Variants in ANKHD1 observed in about 807,000 individuals in gnomAD.
The protein encoded by ANKHD1 is ankyrin repeat and KH domain containing 1.
Under a neutral mutation model 230.5 loss-of-function variants are expected in ANKHD1, and 31 were observed. The observed-to-expected ratio is 0.13, with a 90% confidence interval of 0.10 to 0.18. ANKHD1 has a LOEUF of 0.18. ANKHD1 is among the 10% of genes least tolerant of loss of function. ANKHD1 has a pLI of 1.00. For missense variants in ANKHD1, 2,256 were observed against 3,071.3 expected (o/e 0.73, Z 6.27); for synonymous variants, 1,074 against 1,117.6 (o/e 0.96, Z 0.78).
chr5:140,446,919 G>T (rs1300922602), intron 6 of ANKHD1, among the ~76,000 whole-genome samples: 1 of 151,274 alleles, frequency 6.6e-6, no homozygotes, highest in Non-Finnish European at 1.5e-5. Context: ...TATTATCATT[G>T]TTTTTTTGAG....
chr5:140,512,103 G>A (rs1371686429), intron 22 of ANKHD1, among the ~76,000 whole-genome samples: 1 of 152,094 alleles, frequency 6.6e-6, no homozygotes, highest in Non-Finnish European at 1.5e-5. Flanking sequence ...AGGCGTGATG[G>A]TAGGCACCTG....
intron 15 of ANKHD1, among the ~76,000 whole-genome samples, chr5:140,501,815 T>C (rs779103543): frequency 2.6e-5 from 4 of 152,118 alleles, no homozygotes; most frequent in Non-Finnish European, 5.9e-5. Context: ...ATAATTAGAT[T>C]TATTATCTTC....
At position 140,514,258 on chromosome 5, in the gene ANKHD1, G is replaced by T. The variant is rs1247208804; in HGVS notation, c.4317+779G>T. Among the ~76,000 whole-genome samples the T allele has an allele frequency of 2.6e-5, 4 of 151,994 alleles. No individual in the cohort carries two copies. The South Asian group carries it at 8.3e-4, about 31-fold the overall frequency. ...GCCTGTAATCCCAGCACTTTGGGAG[G>T]CTGAGGAGGGTGGACTGCTTGAGCC... On this transcript the variant is annotated intron_variant, in intron 24 of 33. Coordinates refer to ENST00000360839, the MANE Select transcript of ANKHD1 (RefSeq NM_017747.3).
intron 3 of ANKHD1, 42 bp downstream of exon 3, chr5:140,438,659 A>G (rs756525554): frequency 1.3e-6 from 2 of 1,493,706 alleles, no homozygotes; most frequent in East Asian, 2.4e-5. Flanking sequence ...ATTTTCTTGA[A>G]TAGATTTTGG....
chr5:140,528,958 A>G lies in ANKHD1; in HGVS notation c.6012A>G (p.Leu2004=), dbSNP rs1430830942. The change falls in exon 29 of 34, where the codon CTA becomes CTG. Residue 2004 remains leucine, a synonymous_variant. Transcript: ENST00000360839. ...GCGGGCAAGCTCCCACCACATTTCTACCTGCAAGTACTTCTCAAGCACAGC... is the reference window on the plus strand; with the variant it reads ...GCGGGCAAGCTCCCACCACATTTCTGCCTGCAAGTACTTCTCAAGCACAGC... The part of the protein sequence containing the change: ...ITSGQAPTTF[L]PASTSQAQLS... 1 of 1,614,084 alleles carries G rather than the reference A, an allele frequency of 6.2e-7. No individual in the cohort carries two copies. Among genetic ancestry groups the G allele is most frequent in the Non-Finnish European group, 8.5e-7 (1 of 1,180,018 alleles).
Position 140,506,752 on chromosome 5 carries a change from A to C in ANKHD1, c.3409-83A>C. On this transcript the variant is annotated intron_variant, in intron 18 of 33. Coordinates refer to ENST00000360839, the MANE Select transcript of ANKHD1 (RefSeq NM_017747.3). This position sits in a 1 kb window ranked among gnomAD's most constrained non-coding sequence, Gnocchi z 4.7. ...TCAGATATTTAGATAAGGAAGTTAT[A>C]AGTCCTGTTTCTTTGTGTTTCCTTC... 1 of 1,562,070 alleles carries C rather than the reference A, an allele frequency of 6.4e-7. No individual in the cohort carries two copies. Among genetic ancestry groups the C allele is most frequent in the Non-Finnish European group, 8.6e-7 (1 of 1,157,990 alleles).
chr5:140,458,155 G>T (rs1775357621), intron 7 of ANKHD1, among the ~76,000 whole-genome samples: 1 of 152,246 alleles, frequency 6.6e-6, no homozygotes, highest in East Asian at 1.9e-4. Context: ...ATAATTTGTT[G>T]TGTTATTTTT....
At position 140,505,111 on chromosome 5, in the gene ANKHD1, T is replaced by C. The variant is rs1315088130; in HGVS notation, c.3151-11T>C. 1 of 1,605,456 alleles carries C rather than the reference T, an allele frequency of 6.2e-7. No individual in the cohort carries two copies. On this transcript the variant is annotated splice_polypyrimidine_tract_variant and intron_variant, in intron 16 of 33. Transcript: ENST00000360839. ...TAAAAAAAATTTTAACTTATTTTTT[T>C]CTTCTCCTAGACTGAGAGCAATCAT...
intron 7 of ANKHD1, among the ~76,000 whole-genome samples, chr5:140,453,240 G>C (rs953277116): frequency 6.6e-6 from 1 of 152,212 alleles, no homozygotes. Flanking sequence ...CGTCTGATTG[G>C]TGTACCTGAA....
chr5:140,469,707 T>TAG (rs1776356038), intron 10 of ANKHD1, among the ~76,000 whole-genome samples: 4 of 152,046 alleles, frequency 2.6e-5, no homozygotes, highest in Admixed American at 2.6e-4. Context: ...ACAAGGAGAG[T>TAG]AATATATCTT....
At chr5:140,501,636 G>A (rs979345462) in intron 15 of ANKHD1, among the ~76,000 whole-genome samples, 1 of 151,834 alleles carries the variant, frequency 6.6e-6, no homozygotes, top group African/African-American at 2.4e-5. Context: ...TTTAATCCCA[G>A]CTACTCGGGA....
chr5:140,451,075 C>T (rs1581264027), intron 7 of ANKHD1, among the ~76,000 whole-genome samples: 11 of 152,064 alleles, frequency 7.2e-5, no homozygotes, highest in Admixed American at 7.2e-4. Flanking sequence ...TCACTTGAAC[C>T]TGGGAGGTGG....
rs181211327 is a variant in ANKHD1, at chr5:140,441,645, G to A, written c.913+503G>A. 3.9e-5 allele frequency among the ~76,000 whole-genome samples: 6 copies of A among 152,192 alleles called. No individual in the cohort carries two copies. The East Asian group carries it at 1.2e-3, about 29-fold the overall frequency. Reference sequence around the variant, plus strand: ...AAGAAATCGGAGAAGTAGGTAAAAGGATACAAAGTAGCAAATATGTAGAAT... The same window carrying A: ...AAGAAATCGGAGAAGTAGGTAAAAGAATACAAAGTAGCAAATATGTAGAAT... On this transcript the variant is annotated intron_variant, in intron 5 of 33. Coordinates refer to ENST00000360839, the MANE Select transcript of ANKHD1 (RefSeq NM_017747.3).
At chr5:140,495,645 TTATTAA>T (rs1160982319) in intron 14 of ANKHD1, among the ~76,000 whole-genome samples, 1 of 152,178 alleles carries the variant, frequency 6.6e-6, no homozygotes, top group Non-Finnish European at 1.5e-5. Context: ...GATGTTAGGA[TTATTAA>T]TATTGATAAT....
Position 140,482,719 on chromosome 5 carries a change from A to G in ANKHD1, c.1870+52A>G, listed in dbSNP as rs780746974. The stretch of plus-strand genomic sequence containing the variant: ...CAAGAGGCTACAGTTTATGGAAAAA[A>G]AAATCCTAAACTGTTGCAATTTATG... On this transcript the variant is annotated intron_variant, in intron 11 of 33. Transcript: ENST00000360839. 8.2e-6 allele frequency: 13 copies of G among 1,587,674 alleles called. No homozygotes were observed. The East Asian group carries it at 2.5e-4, about 30-fold the overall frequency.
At chr5:140,426,773 C>A (rs1228942460) in intron 1 of ANKHD1, among the ~76,000 whole-genome samples, 1 of 152,124 alleles carries the variant, frequency 6.6e-6, no homozygotes, top group African/African-American at 2.4e-5. Flanking sequence ...CTTGCACCGC[C>A]CTTAATCCAT....
At chr5:140,512,759 C>A in intron 22 of ANKHD1, 69 bp from the exon 23 acceptor site, 1 of 1,402,092 alleles carries the variant, frequency 7.1e-7, no homozygotes, top group Non-Finnish European at 9.7e-7. Context: ...GTTTTACTTT[C>A]TTTTATTCTT....
intron 10 of ANKHD1, among the ~76,000 whole-genome samples, chr5:140,478,045 G>GT (rs1320615637): frequency 6.6e-6 from 1 of 152,152 alleles, no homozygotes; most frequent in African/African-American, 2.4e-5. Context: ...AAGGAAAATT[G>GT]TAGTTCTGTA....
chr5:140,534,042 C>G (rs1753962598), intron 29 of ANKHD1, among the ~76,000 whole-genome samples: 1 of 151,954 alleles, frequency 6.6e-6, no homozygotes, highest in Admixed American at 6.6e-5. Flanking sequence ...ATTAAGTTAC[C>G]CACATGTCCA....
Sources: allele counts gnomAD v4.1 joint callset (sites outside exome capture counted in the v4.1 genomes callset), GRCh38; gene constraint gnomAD v4.1.1; non-coding constraint Gnocchi (gnomAD v3.1); transcripts MANE v1.5; gene names NCBI Gene and HGNC (gene_info 2026-07-23, HGNC 2026-07-21).